The following FAM83F variants were observed in gnomAD, a reference collection of about 807,000 sequenced individuals.
FAM83F encodes the protein protein FAM83F.
Under a neutral mutation model 42.9 loss-of-function variants are expected in FAM83F, and 45 were observed. The observed-to-expected ratio is 1.05, with a 90% CI of 0.83 to 1.35. The LOEUF (loss-of-function observed/expected upper bound fraction) is 1.35, where lower values mean the gene tolerates loss of function less well. FAM83F is among the 40% of genes most tolerant of loss of function. FAM83F has a pLI of 0.00. For synonymous variants in FAM83F, 306 were observed against 298.3 expected, an observed-to-expected ratio of 1.03 and a Z score of -0.27; for missense variants, 617 against 695.9, an observed-to-expected ratio of 0.89 and a Z score of 1.28.
intron 1 of FAM83F, among the ~76,000 whole-genome samples, chr22:39,996,545 G>A (rs955341022): frequency 6.6e-6 from 1 of 152,194 alleles, no homozygotes; most frequent in African/African-American, 2.4e-5. Flanking sequence ...AACAGCAGCA[G>A]CTTTTGGTGC....
In FAM83F at chr22:40,027,287, A is replaced by G. The variant is rs143197919; in HGVS notation, c.1454-2229A>G. On this transcript the variant is annotated intron_variant, in intron 4 of 4. Coordinates refer to ENST00000333407, the MANE Select transcript of FAM83F (RefSeq NM_138435.4). ...CCTGGAGCCTGTGCATGCGGTTTGCACATCATTGTCCTTGTCATGGCTTCC... is the reference window on the plus strand; with the variant it reads ...CCTGGAGCCTGTGCATGCGGTTTGCGCATCATTGTCCTTGTCATGGCTTCC... Among the ~76,000 whole-genome samples, 311 of 152,290 alleles carry G rather than the reference A, an allele frequency of 2.0e-3. 8 individuals are homozygous for G. In the East Asian group the frequency reaches 0.04, roughly 20 times the overall value.
At position 40,021,358 on chromosome 22, in the gene FAM83F, C is replaced by T. The variant is rs144193825; in HGVS notation, c.848C>T (p.Pro283Leu). ...LLLLTGQNVE[P>L]FDTEFRELYA... ...CTCCTGACAGGACAGAACGTAGAGCCCTTTGACACGGAGTTCCGGGAGCTG... is the reference window on the plus strand; with the variant it reads ...CTCCTGACAGGACAGAACGTAGAGCTCTTTGACACGGAGTTCCGGGAGCTG... Residue 283 changes from proline (P) to leucine (L), a missense_variant, in exon 4 of 5, where the codon CCC becomes CTC. Pro to Leu is a moderately conservative substitution (Grantham distance 98, BLOSUM62 -3). Coordinates refer to ENST00000333407, the MANE Select transcript of FAM83F (RefSeq NM_138435.4). This position sits in a 1 kb window ranked among gnomAD's most constrained non-coding sequence, Gnocchi z 8.7. 6.2e-7 allele frequency: 1 copy of T among 1,609,414 alleles called. No individual in the cohort carries two copies. The highest frequency in any genetic ancestry group is 1.3e-5 in the African/African-American group (1 of 74,834).
At chr22:40,026,148 T>C (rs1056352796) in intron 4 of FAM83F, among the ~76,000 whole-genome samples, 3 of 152,134 alleles carry the variant, frequency 2.0e-5, no homozygotes, top group African/African-American at 7.2e-5. Context: ...GGCAGTGTGA[T>C]CTCCTGCCTC....
chr22:40,026,167 T>A (rs896555417), intron 4 of FAM83F, among the ~76,000 whole-genome samples: 4 of 152,226 alleles, frequency 2.6e-5, no homozygotes, highest in Admixed American at 6.5e-5. Context: ...TCCCCAGCCT[T>A]CTGCAGATAT....
chr22:39,999,904 T>C (rs2067390489), intron 1 of FAM83F, among the ~76,000 whole-genome samples: 1 of 152,258 alleles, frequency 6.6e-6, no homozygotes, highest in Non-Finnish European at 1.5e-5. Context: ...AGAGGCCACC[T>C]CTGCCTTGGC....
chr22:40,000,549 C>T (rs994205454), intron 1 of FAM83F, among the ~76,000 whole-genome samples: 6 of 152,166 alleles, frequency 3.9e-5, no homozygotes, highest in South Asian at 4.1e-4. Context: ...CAGTACCAAG[C>T]GCCTTCTCCA....
At chr22:40,016,109 A>AG (rs1015196150) in intron 1 of FAM83F, among the ~76,000 whole-genome samples, 1 of 152,082 alleles carries the variant, frequency 6.6e-6, no homozygotes, top group African/African-American at 2.4e-5. Flanking sequence ...AAATCAGGAG[A>AG]GGGGGGGACA....
intron 1 of FAM83F, among the ~76,000 whole-genome samples, chr22:40,006,627 G>A (rs1210933023): frequency 6.6e-6 from 1 of 152,246 alleles, no homozygotes; most frequent in African/African-American, 2.4e-5. Context: ...GGGTGAGTTT[G>A]GAGAACATCA....
chr22:40,039,057 A>G lies in FAM83F; in HGVS notation c.*9492A>G, dbSNP rs1280061123. 6.6e-6 allele frequency: 1 copy of G among 152,190 alleles called. No homozygotes were observed. The highest frequency in any genetic ancestry group is 2.4e-5 in the African/African-American group (1 of 41,444). The allele number at this position is 152,190 out of a possible 1,614,324, so 9.4% of individuals were successfully genotyped here. ...TGGCTTCATGGGCATGAAACCTGTG[A>G]ACACAGAACCCCATGCTTTCATTTT... On this transcript the variant is annotated 3_prime_UTR_variant, in exon 5 of 5. Transcript: ENST00000333407.
At position 40,041,446 on chromosome 22, in the gene FAM83F, C is replaced by T. The variant is rs1034714342; in HGVS notation, c.*11881C>T. 6.6e-6 allele frequency: 1 copy of T among 152,184 alleles called. No individual in the cohort carries two copies. The highest frequency in any genetic ancestry group is 1.5e-5 in the Non-Finnish European group (1 of 68,044). 9.4% of individuals were successfully genotyped at this position (152,184 alleles called of 1,614,324 possible). On this transcript the variant is annotated 3_prime_UTR_variant, in exon 5 of 5. Transcript: ENST00000333407. ...CAGGCACCAAGGCATGCCTGTAAGC[C>T]CTACAGGGCAGACGCCCTCACCCCA...
chr22:40,022,136 G>T (rs866686028), intron 4 of FAM83F, among the ~76,000 whole-genome samples, 173 bp downstream of exon 4: 4 of 152,184 alleles, frequency 2.6e-5, no homozygotes, highest in African/African-American at 9.7e-5. Flanking sequence ...TTCTGGCCCC[G>T]GCCATTAGCT....
rs2067426303 is a variant in FAM83F, at chr22:40,006,030, A to C, written c.489+10499A>C. On this transcript the variant is annotated intron_variant, in intron 1 of 4. Transcript: ENST00000333407. ...CGAGGCGGGCAGATCATTTGAGGTC[A>C]GGAGTTTGAAACCAGCCTGGCCAAC... Among the ~76,000 whole-genome samples the C allele has an allele frequency of 2.0e-5, 3 of 152,210 alleles. No individual in the cohort carries two copies. In the South Asian group the frequency reaches 6.2e-4, roughly 31 times the overall value.
chr22:40,028,867 C>T (rs1307745465), intron 4 of FAM83F, among the ~76,000 whole-genome samples: 3 of 152,236 alleles, frequency 2.0e-5, no homozygotes, highest in African/African-American at 7.2e-5. Context: ...AGCTTTCCTT[C>T]TTCCAGCCTA....
intron 1 of FAM83F, among the ~76,000 whole-genome samples, chr22:40,017,903 G>T (rs542249394): frequency 2.0e-5 from 3 of 152,158 alleles, no homozygotes; most frequent in African/African-American, 7.2e-5. Flanking sequence ...AGGAAGTGGG[G>T]GATCCACAGT....
chr22:40,035,218 AGATGTCCAC>A lies in FAM83F; in HGVS notation c.*5655_*5663del, dbSNP rs1454994242. ...GCCACTGAAAAGCAGCTTTAGGAGC[AGATGTCCAC>A]GTAATAGAAGGAGATGGGCTAGGGC... On this transcript the variant is annotated 3_prime_UTR_variant, in exon 5 of 5. Transcript: ENST00000333407. 1 of 152,262 alleles carries A rather than the reference AGATGTCCAC, an allele frequency of 6.6e-6. No homozygotes were observed. Among genetic ancestry groups the A allele is most frequent in the African/African-American group, 2.4e-5 (1 of 41,466 alleles). The allele number at this position is 152,262 out of a possible 1,614,324, so 9.4% of individuals were successfully genotyped here.
chr22:39,995,319 G>A lies in FAM83F; in HGVS notation c.277G>A (p.Ala93Thr), dbSNP rs1025107041. ...GGGCAAGAGCAAGGCCAAGGCCAAG[G>A]CCCCCGCGCCGGCGCCGGCTGAGTC... ...ARGKSKAKAK[A>T]PAPAPAESGE... Residue 93 changes from alanine (A) to threonine (T), a missense_variant, in exon 1 of 5, where the codon GCC becomes ACC. Ala to Thr is a moderately conservative substitution (Grantham distance 58). Transcript: ENST00000333407. This position sits in a 1 kb window ranked among gnomAD's most constrained non-coding sequence, Gnocchi z 4.6. The A allele has an allele frequency of 6.5e-7, 1 of 1,538,600 alleles. No homozygotes were observed.
At chr22:40,013,353 T>G (rs964832966) in intron 1 of FAM83F, among the ~76,000 whole-genome samples, 1 of 152,218 alleles carries the variant, frequency 6.6e-6, no homozygotes. Context: ...CCCAGTTGCA[T>G]CTGCTAAAGG....
chr22:40,027,807 G>A (rs1218152965), intron 4 of FAM83F, among the ~76,000 whole-genome samples: 1 of 152,230 alleles, frequency 6.6e-6, no homozygotes, highest in African/African-American at 2.4e-5. Context: ...TTCTCCCGGA[G>A]GCAGCCAGCC....
chr22:40,039,400 C>T lies in FAM83F; in HGVS notation c.*9835C>T, dbSNP rs955646750. 9.2e-5 allele frequency: 14 copies of T among 152,210 alleles called. No homozygotes were observed. Among genetic ancestry groups the T allele is most frequent in the East Asian group, 3.9e-4 (2 of 5,194 alleles). 9.4% of individuals were successfully genotyped at this position (152,210 alleles called of 1,614,324 possible). The stretch of plus-strand genomic sequence containing the variant: ...GGAGGATTACAGGCATGAACCACTA[C>T]GCCTGGCCTGGTATGTGGGTTAAAA... On this transcript the variant is annotated 3_prime_UTR_variant, in exon 5 of 5. Transcript: ENST00000333407.
Sources: allele counts gnomAD v4.1 joint callset (sites outside exome capture counted in the v4.1 genomes callset), GRCh38; gene constraint gnomAD v4.1.1; non-coding constraint Gnocchi (gnomAD v3.1); transcripts MANE v1.5; gene names NCBI Gene and HGNC (gene_info 2026-07-23, HGNC 2026-07-21).